Variants in FOXN1 observed in about 807,000 individuals in gnomAD.
FOXN1 encodes forkhead box protein N1.
Under a neutral mutation model 49.0 loss-of-function variants are expected in FOXN1, and 15 were observed. The observed-to-expected ratio is 0.31, with a 90% CI of 0.20 to 0.47. FOXN1 has a LOEUF of 0.47. Ranked by LOEUF, FOXN1 falls within the 20% of genes least tolerant of loss-of-function variation. The probability of loss-of-function intolerance (pLI) is 1.00; values close to 1 mark genes in which losing one functional copy is unlikely to be tolerated. For missense variants in FOXN1, 800 were observed against 842.8 expected, an observed-to-expected ratio of 0.95 and a Z score of 0.63; for synonymous variants, 356 against 369.0, an observed-to-expected ratio of 0.96 and a Z score of 0.40.
At chr17:28,530,959 G>A in intron 6 of FOXN1, 114 bp downstream of exon 6, 1 of 730,334 alleles carries the variant, frequency 1.4e-6, no homozygotes. Flanking sequence ...AAAGCCAGGA[G>A]AGGGCTTACC....
chr17:28,513,251 A>G (rs559093726), intron 1 of FOXN1, among the ~76,000 whole-genome samples: 1 of 152,226 alleles, frequency 6.6e-6, no homozygotes, highest in Non-Finnish European at 1.5e-5. Flanking sequence ...CCTGGGTGAC[A>G]GAGTGAGACT....
intron 1 of FOXN1, among the ~76,000 whole-genome samples, chr17:28,522,040 A>G (rs189292261): frequency 3.9e-5 from 6 of 152,280 alleles, no homozygotes; most frequent in Admixed American, 2.0e-4. Flanking sequence ...CACCCACCCA[A>G]TGAAGAAACC....
In FOXN1 at chr17:28,538,760, C is replaced by G. The variant is rs988445051; in HGVS notation, c.*1324C>G. ...GAGCCTGACCCCATCGAGGGGGAAC[C>G]TCAGCCCACCCTGGGCCTGGGGGTG... On this transcript the variant is annotated 3_prime_UTR_variant, in exon 9 of 9. Transcript: ENST00000579795. 1.3e-5 allele frequency: 2 copies of G among 152,286 alleles called. No individual in the cohort carries two copies. Among genetic ancestry groups the G allele is most frequent in the Non-Finnish European group, 2.9e-5 (2 of 68,080 alleles). 9.4% of individuals were successfully genotyped at this position (152,286 alleles called of 1,614,324 possible). A position where few individuals can be genotyped will look rare whatever the true frequency, so the allele number is the denominator to read the frequency against.
intron 4 of FOXN1, among the ~76,000 whole-genome samples, chr17:28,527,721 C>T (rs2069806080): frequency 1.3e-5 from 2 of 152,074 alleles, no homozygotes; most frequent in South Asian, 4.1e-4. Context: ...AAACACAGGC[C>T]GAGCAGGTCG....
intron 1 of FOXN1, among the ~76,000 whole-genome samples, chr17:28,520,078 A>G (rs2069609392): frequency 1.3e-5 from 2 of 152,248 alleles, no homozygotes; most frequent in African/African-American, 4.8e-5. Context: ...AGTATTTATT[A>G]GTCCTATTTT....
chr17:28,522,078 G>A (rs2069652913), intron 1 of FOXN1, among the ~76,000 whole-genome samples: 1 of 152,246 alleles, frequency 6.6e-6, no homozygotes, highest in Non-Finnish European at 1.5e-5. Context: ...TCTGCAGTCG[G>A]ACAGACCAGA....
At chr17:28,528,997 C>T in intron 4 of FOXN1, 97 bp from the exon 5 acceptor site, 1 of 1,528,836 alleles carries the variant, frequency 6.5e-7, no homozygotes, top group Non-Finnish European at 9.0e-7. Flanking sequence ...AGAATCTGGC[C>T]TGAGCCCCTT....
Position 28,534,199 on chromosome 17 carries a change from G to T in FOXN1, c.928-132G>T. 1 of 1,333,442 alleles carries T rather than the reference G, an allele frequency of 7.5e-7. No homozygotes were observed. The highest frequency in any genetic ancestry group is 2.4e-5 in the East Asian group (1 of 42,004). The allele number at this position is 1,333,442 out of a possible 1,614,324, so 82.6% of individuals were successfully genotyped here. ...CCAAGCAAGGGATGGGTGCTGAGGAGGACAACAAGCCCCAGAGTGGGCGGC... is the reference window on the plus strand; with the variant it reads ...CCAAGCAAGGGATGGGTGCTGAGGATGACAACAAGCCCCAGAGTGGGCGGC... On this transcript the variant is annotated intron_variant, in intron 6 of 8. Transcript: ENST00000579795. The surrounding 1 kb of genome is among the most constrained non-coding windows in gnomAD (Gnocchi z 4.1).
intron 6 of FOXN1, among the ~76,000 whole-genome samples, chr17:28,531,079 C>T (rs2069901963): frequency 6.6e-6 from 1 of 152,224 alleles, no homozygotes; most frequent in African/African-American, 2.4e-5. Context: ...GCACAGCAGA[C>T]TGGAGTCAGA....
At chr17:28,532,319 C>T (rs144728280) in intron 6 of FOXN1, among the ~76,000 whole-genome samples, 1 of 152,222 alleles carries the variant, frequency 6.6e-6, no homozygotes, top group Non-Finnish European at 1.5e-5. Context: ...GCATCACTCC[C>T]TCACTCCTGA....
intron 1 of FOXN1, among the ~76,000 whole-genome samples, chr17:28,521,546 G>A (rs1012073321): frequency 3.3e-5 from 5 of 152,244 alleles, no homozygotes; most frequent in East Asian, 1.9e-4. Context: ...TGCCTGCTCC[G>A]CTGTGGTGTC....
rs1430134885 is a variant in FOXN1, at chr17:28,537,444, C to T, written c.*8C>T. ...CCCGTGGCCCTGGCATGAGCTGTGCCCAGCTTCGTCAGCTCCAGCGTTTGC... is the reference window on the plus strand; with the variant it reads ...CCCGTGGCCCTGGCATGAGCTGTGCTCAGCTTCGTCAGCTCCAGCGTTTGC... On this transcript the variant is annotated 3_prime_UTR_variant, in exon 9 of 9. Coordinates refer to ENST00000579795, the MANE Select transcript of FOXN1 (RefSeq NM_001369369.1). 1.2e-6 allele frequency: 2 copies of T among 1,608,222 alleles called. No individual in the cohort carries two copies. The highest frequency in any genetic ancestry group is 1.7e-6 in the Non-Finnish European group (2 of 1,175,318).
rs767404170 is a variant in FOXN1 at position 28,537,286 on chromosome 17, C to T, written c.1797C>T (p.Ala599=). The change falls in exon 9 of 9, where the codon GCC becomes GCT. Residue 599 remains alanine (A), a synonymous_variant. Coordinates refer to ENST00000579795, the MANE Select transcript of FOXN1 (RefSeq NM_001369369.1). ...ETGSGAGDLA[A]PGSGGSGALG... ...GCAGTGGGGCAGGTGACTTGGCAGC[C>T]CCGGGCAGTGGTGGCTCCGGGGCAC... 3.7e-6 allele frequency: 6 copies of T among 1,614,000 alleles called. No individual in the cohort carries two copies. The highest frequency in any genetic ancestry group is 3.3e-5 in the South Asian group (3 of 91,074).
At chr17:28,520,272 C>T (rs2069612714) in intron 1 of FOXN1, among the ~76,000 whole-genome samples, 1 of 152,206 alleles carries the variant, frequency 6.6e-6, no homozygotes, top group Admixed American at 6.5e-5. Context: ...GTGAGCCCTT[C>T]CCAGTGATGG....
intron 1 of FOXN1, among the ~76,000 whole-genome samples, chr17:28,521,865 G>T (rs986466363): frequency 2.0e-5 from 3 of 152,256 alleles, no homozygotes; most frequent in Non-Finnish European, 4.4e-5. Flanking sequence ...GTACCACGGG[G>T]CCAATGAGGC....
chr17:28,508,515 T>C (rs928645888), intron 1 of FOXN1, among the ~76,000 whole-genome samples: 3 of 152,124 alleles, frequency 2.0e-5, no homozygotes, highest in Admixed American at 2.0e-4. Context: ...ACTCTTCACC[T>C]TCTCTAGCTA....
Position 28,534,919 on chromosome 17 carries a change from T to C in FOXN1, c.1348T>C (p.Cys450Arg). The C allele has an allele frequency of 6.2e-7, 1 of 1,614,120 alleles. No individual in the cohort carries two copies. Among genetic ancestry groups the C allele is most frequent in the Non-Finnish European group, 8.5e-7 (1 of 1,180,006 alleles). Residue 450 changes from cysteine to arginine, a missense_variant, in exon 8 of 9, where the codon TGC (cysteine) becomes CGC (arginine). Physicochemically the swap from Cys to Arg is radical, Grantham distance 180. This residue lies in a region of FOXN1 where 344 missense variants were observed against 366.1 expected (regional missense o/e 0.94). Transcript: ENST00000579795. The surrounding 1 kb of genome is among the most constrained non-coding windows in gnomAD (Gnocchi z 4.1). The stretch of plus-strand genomic sequence containing the variant: ...CCTACTTATGGGGCACACACCCTCC[T>C]GCTATGGGCAGACATACTTGCACCT... ...QDLLMGHTPS[C>R]YGQTYLHLSP...
At chr17:28,516,736 G>A (rs2069513485) in intron 1 of FOXN1, among the ~76,000 whole-genome samples, 1 of 142,396 alleles carries the variant, frequency 7.0e-6, no homozygotes, top group Non-Finnish European at 1.5e-5. Flanking sequence ...ACCTCCACAG[G>A]GTACACACTT....
chr17:28,532,501 G>A (rs549335323), intron 6 of FOXN1, among the ~76,000 whole-genome samples: 1 of 152,198 alleles, frequency 6.6e-6, no homozygotes, highest in Non-Finnish European at 1.5e-5. Context: ...TTTCTTCTCT[G>A]AACCTCAGTT....
Sources: allele counts gnomAD v4.1 joint callset (sites outside exome capture counted in the v4.1 genomes callset), GRCh38; gene constraint gnomAD v4.1.1; regional missense constraint gnomAD v4.1.1; non-coding constraint Gnocchi (gnomAD v3.1); transcripts MANE v1.5; gene names NCBI Gene and HGNC (gene_info 2026-07-23, HGNC 2026-07-21).